The following SLC45A2 variants were observed in gnomAD, a reference collection of about 807,000 sequenced individuals.
The protein encoded by SLC45A2 is membrane-associated transporter protein.
SLC45A2 carries 36 observed loss-of-function variants against 45.5 expected under a neutral mutation model. The ratio of observed to expected loss-of-function variants is 0.79; its 90% CI spans 0.61 to 1.04. The LOEUF (loss-of-function observed/expected upper bound fraction) is 1.04. SLC45A2 is among the 50% of genes least tolerant of loss of function. The pLI, the probability that SLC45A2 is intolerant of heterozygous loss-of-function variation, is 0.00. For synonymous variants in SLC45A2, 306 were observed against 269.3 expected, an observed-to-expected ratio of 1.14 and a Z score of -1.33; for missense variants, 719 against 671.0, an observed-to-expected ratio of 1.07 and a Z score of -0.79.
intron 3 of SLC45A2, among the ~76,000 whole-genome samples, chr5:33,961,362 A>G (rs1206588071): frequency 6.6e-6 from 1 of 152,212 alleles, no homozygotes; most frequent in Non-Finnish European, 1.5e-5. Context: ...AAAAGCTTCC[A>G]AAATGTGTCT....
At chr5:33,975,046 A>G (rs564763226) in intron 2 of SLC45A2, among the ~76,000 whole-genome samples, 2 of 152,348 alleles carry the variant, frequency 1.3e-5, no homozygotes, top group African/African-American at 4.8e-5. Context: ...ACTCCACTGC[A>G]CTGTCCTAAA....
In SLC45A2 at chr5:33,963,986, C is replaced by A. The variant is rs201259497; in HGVS notation, c.593G>T (p.Gly198Val). The change falls in exon 3 of 7, where the codon GGT becomes GTT. Residue 198 changes from glycine (G) to valine (V), a missense_variant. By Grantham distance (109) the Gly-to-Val change is moderately radical. Coordinates refer to ENST00000296589, the MANE Select transcript of SLC45A2 (RefSeq NM_016180.5). ...GFGGALGYLL[G>V]AIDWAHLELG... ...CTCCAGATGGGCCCAGTCTATAGCACCCAAAAGGTAACCCAGGGCACCTCC... is the reference window on the plus strand; with the variant it reads ...CTCCAGATGGGCCCAGTCTATAGCAACCAAAAGGTAACCCAGGGCACCTCC... 6.2e-7 allele frequency: 1 copy of A among 1,613,970 alleles called. No homozygotes were observed. Among genetic ancestry groups the A allele is most frequent in the Admixed American group, 1.7e-5 (1 of 59,998 alleles).
chr5:33,952,698 T>C (rs1226506506), intron 4 of SLC45A2, among the ~76,000 whole-genome samples: 1 of 150,634 alleles, frequency 6.6e-6, no homozygotes, highest in Non-Finnish European at 1.5e-5. Context: ...TTTAATTTTT[T>C]TTTTTTTATT....
rs144013032 is a variant in SLC45A2 at position 33,975,661 on chromosome 5, T to A, written c.562+6575A>T. Among the ~76,000 whole-genome samples the A allele has an allele frequency of 4.3e-3, 649 of 152,316 alleles. 4 individuals are homozygous for A. The highest frequency in any genetic ancestry group is 0.015 in the African/African-American group (612 of 41,562). On this transcript the variant is annotated intron_variant, in intron 2 of 6. Transcript: ENST00000296589. ...TAGCTACCAGCTTTGTCTATTCAAT[T>A]GTAATTGCTCCTTCCTTTTTGCTAA... is the stretch of plus-strand genomic sequence containing the variant.
Position 33,979,627 on chromosome 5 carries a change from G to A in SLC45A2, c.562+2609C>T, listed in dbSNP as rs768844106. The stretch of plus-strand genomic sequence containing the variant: ...GGGTGAAATACTTCTATTTCTTTCA[G>A]GGCCTGCTATGTTATCATGTTAATA... On this transcript the variant is annotated intron_variant, in intron 2 of 6. Transcript: ENST00000296589. 3.3e-5 allele frequency among the ~76,000 whole-genome samples: 5 copies of A among 152,248 alleles called. No homozygotes were observed. In the South Asian group the frequency reaches 1.0e-3, roughly 32 times the overall value.
intron 4 of SLC45A2, among the ~76,000 whole-genome samples, 172 bp downstream of exon 4, chr5:33,954,189 T>C (rs1251730051): frequency 6.6e-6 from 1 of 152,198 alleles, no homozygotes; most frequent in Non-Finnish European, 1.5e-5. Flanking sequence ...CCTCTAGTTG[T>C]CCAGGGTATA....
At chr5:33,959,653 A>T (rs1752386763) in intron 3 of SLC45A2, among the ~76,000 whole-genome samples, 2 of 152,186 alleles carry the variant, frequency 1.3e-5, no homozygotes, top group African/African-American at 2.4e-5. Flanking sequence ...TACTCTCTTC[A>T]ACTGTATTCT....
chr5:33,966,022 C>G (rs953469620), intron 2 of SLC45A2, among the ~76,000 whole-genome samples: 4 of 152,158 alleles, frequency 2.6e-5, no homozygotes, highest in Non-Finnish European at 5.9e-5. Flanking sequence ...ATGCCTCTAT[C>G]TTTCAAATTT....
chr5:33,945,176 A>T (rs1751884254), intron 6 of SLC45A2, among the ~76,000 whole-genome samples: 1 of 152,150 alleles, frequency 6.6e-6, no homozygotes, highest in Non-Finnish European at 1.5e-5. Flanking sequence ...ATTTCATGTA[A>T]TTTTCACCTG....
intron 3 of SLC45A2, among the ~76,000 whole-genome samples, chr5:33,962,100 A>T (rs1241912147): frequency 6.6e-6 from 1 of 152,088 alleles, no homozygotes; most frequent in Non-Finnish European, 1.5e-5. Context: ...AATCTCTTAC[A>T]TGTCAAATCC....
At position 33,963,877 on chromosome 5, in the gene SLC45A2, C is replaced by A; in HGVS notation, c.702G>T (p.Leu234=). ...LVLTLCFTVH[L]CSISEAPLTE... ...TAAGTGGGGCTTCAGAGATACTGCA[C>A]AGATGAACAGTAAAACACAAAGTGA... The change falls in exon 3 of 7, where the codon CTG becomes CTT. Residue 234 remains leucine, a synonymous_variant. Coordinates refer to ENST00000296589, the MANE Select transcript of SLC45A2 (RefSeq NM_016180.5). 1 of 1,614,124 alleles carries A rather than the reference C, an allele frequency of 6.2e-7. No homozygotes were observed. Among genetic ancestry groups the A allele is most frequent in the Non-Finnish European group, 8.5e-7 (1 of 1,180,022 alleles).
rs781446397 is a variant in SLC45A2 at position 33,947,320 on chromosome 5, C to T, written c.1211G>A (p.Gly404Glu). 1.9e-6 allele frequency: 3 copies of T among 1,614,206 alleles called. No homozygotes were observed. Among genetic ancestry groups the T allele is most frequent in the Admixed American group, 3.3e-5 (2 of 60,028 alleles). ...CGTCCCCAGGCCAAACAGCAAATAT[C>T]CCGTGAAGTAAAGACCCTTTAATCC... ...YIGLKGLYFT[G>E]YLLFGLGTGF... The change falls in exon 6 of 7, where the codon GGA (glycine) becomes GAA (glutamate). Residue 404 changes from glycine (G) to glutamate (E), a missense_variant. Coordinates refer to ENST00000296589, the MANE Select transcript of SLC45A2 (RefSeq NM_016180.5).
intron 2 of SLC45A2, among the ~76,000 whole-genome samples, chr5:33,966,132 T>C (rs1489136683): frequency 6.6e-6 from 1 of 152,296 alleles, no homozygotes; most frequent in East Asian, 1.9e-4. Context: ...AATCCTCCAC[T>C]GTGCAATGGA....
At chr5:33,976,119 G>A (rs1404933115) in intron 2 of SLC45A2, among the ~76,000 whole-genome samples, 3 of 152,162 alleles carry the variant, frequency 2.0e-5, no homozygotes, top group African/African-American at 7.2e-5. Context: ...CCACTGTTTT[G>A]TGGGCGTTAG....
chr5:33,974,720 A>G (rs866840194), intron 2 of SLC45A2, among the ~76,000 whole-genome samples: 1 of 152,202 alleles, frequency 6.6e-6, no homozygotes, highest in African/African-American at 2.4e-5. Flanking sequence ...ATTCAGAGTG[A>G]GGATACCACA....
Position 33,984,296 on chromosome 5 carries a change from C to A in SLC45A2, c.288G>T (p.Arg96=). 1 of 1,614,188 alleles carries A rather than the reference C, an allele frequency of 6.2e-7. No individual in the cohort carries two copies. Among genetic ancestry groups the A allele is most frequent in the Non-Finnish European group, 8.5e-7 (1 of 1,180,038 alleles). The change falls in exon 1 of 7, where the codon CGG becomes CGT. Residue 96 remains arginine (R), a synonymous_variant. Transcript: ENST00000296589. ...PVVGSASDHC[R]SRWGRRRPYI... is the part of the protein sequence containing the mutation. The stretch of plus-strand genomic sequence containing the variant: ...AGGGTCTCCGGCGGCCCCACCTGGA[C>A]CGGCAGTGGTCGCTGGCCGATCCGA...
rs753454540 is a variant in SLC45A2 at position 33,954,455 on chromosome 5, A to T, written c.938T>A (p.Met313Lys). The change falls in exon 4 of 7, where the codon ATG becomes AAG. Residue 313 changes from methionine to lysine, a missense_variant. Met to Lys is a moderately conservative substitution (Grantham distance 95). Coordinates refer to ENST00000296589, the MANE Select transcript of SLC45A2 (RefSeq NM_016180.5). The part of the protein sequence containing the change: ...LKSLLRALVN[M>K]PPHYRYLCIS... ...GCAAAGGTAGCGGTAGTGAGGAGGC[A>T]TGTTCACCAGTGCTCTCAGCAGTGA... 6.2e-7 allele frequency: 1 copy of T among 1,614,082 alleles called. No homozygotes were observed. Among genetic ancestry groups the T allele is most frequent in the South Asian group, 1.1e-5 (1 of 91,074 alleles).
At chr5:33,954,856 G>T (rs1042932788) in intron 3 of SLC45A2, among the ~76,000 whole-genome samples, 1 of 152,190 alleles carries the variant, frequency 6.6e-6, no homozygotes, top group East Asian at 1.9e-4. Flanking sequence ...CCAGCTCTTA[G>T]ATGATTATAA....
chr5:33,946,958 G>A, intron 6 of SLC45A2: 1 of 1,489,352 alleles, frequency 6.7e-7, no homozygotes, highest in Non-Finnish European at 8.9e-7. Context: ...CAGGAGTTGA[G>A]AATAAGGAGG....
Sources: gnomAD v4.1 joint callset for allele counts (sites outside exome capture counted in the v4.1 genomes callset) on GRCh38, gnomAD v4.1.1 for gene constraint, MANE v1.5 for transcripts, NCBI Gene and HGNC (gene_info 2026-07-23, HGNC 2026-07-21) for gene names.